Variants in CNTNAP3B observed in about 807,000 individuals in gnomAD.
CNTNAP3B encodes contactin-associated protein-like 3B.
In CNTNAP3B, 25 loss-of-function variants were observed where a neutral mutation model predicts 108.9. That is an observed-to-expected ratio of 0.23 (90% CI 0.17 to 0.32). The LOEUF (loss-of-function observed/expected upper bound fraction) is 0.32. Among genes scored for constraint, CNTNAP3B ranks in the 10% least tolerant of loss-of-function variants. The probability of loss-of-function intolerance (pLI) is 1.00; values close to 1 mark genes in which losing one functional copy is unlikely to be tolerated. For missense variants in CNTNAP3B, 252 were observed against 1,210.4 expected (o/e 0.21, Z 11.75); for synonymous variants, 103 against 473.4 (o/e 0.22, Z 10.16).
chr9:41,965,111 T>A (rs1385495109), intron 10 of CNTNAP3B, among the ~76,000 whole-genome samples: 1 of 152,292 alleles, frequency 6.6e-6, no homozygotes, highest in Non-Finnish European at 1.5e-5. Context: ...ATTTAGGTCA[T>A]CTTGTCGCCT....
chr9:42,014,732 A>C (rs1826190602), intron 3 of CNTNAP3B, among the ~76,000 whole-genome samples: 1 of 52,840 alleles, frequency 1.9e-5, no homozygotes, highest in Non-Finnish European at 3.4e-5. Context: ...TGGAGCTTGC[A>C]GTGAGCCGAG....
chr9:42,095,201 AC>A (rs1370091768), intron 2 of CNTNAP3B, among the ~76,000 whole-genome samples: 2 of 138,124 alleles, frequency 1.4e-5, no homozygotes, highest in Admixed American at 1.4e-4. Flanking sequence ...GCGTCTGGTA[AC>A]CACCATTCTA....
chr9:41,931,182 T>A (rs1487661551), intron 14 of CNTNAP3B, among the ~76,000 whole-genome samples: 1 of 152,252 alleles, frequency 6.6e-6, no homozygotes, highest in East Asian at 1.9e-4. Flanking sequence ...CTTTCTGAAT[T>A]AAAAAAAATT....
At chr9:41,931,432 T>C (rs1297214724) in intron 14 of CNTNAP3B, among the ~76,000 whole-genome samples, 1 of 152,400 alleles carries the variant, frequency 6.6e-6, no homozygotes, top group East Asian at 1.9e-4. Context: ...AACTCGACTT[T>C]TGTACCCATT....
intron 14 of CNTNAP3B, among the ~76,000 whole-genome samples, chr9:41,930,811 G>C (rs1588046495): frequency 6.6e-6 from 1 of 152,132 alleles, no homozygotes; most frequent in South Asian, 2.1e-4. Flanking sequence ...TTTTGTCTCT[G>C]GCCAAAATAA....
chr9:41,932,904 A>G (rs1309301065), intron 14 of CNTNAP3B, among the ~76,000 whole-genome samples: 4 of 152,298 alleles, frequency 2.6e-5, no homozygotes, highest in African/African-American at 9.6e-5. Context: ...AAATTTCTAG[A>G]TTCTCAGTTT....
chr9:42,030,817 A>AGG (rs1826511023), intron 3 of CNTNAP3B, among the ~76,000 whole-genome samples: 1 of 105,862 alleles, frequency 9.4e-6, no homozygotes, highest in African/African-American at 4.0e-5. Flanking sequence ...GAGAGAGGAG[A>AGG]GAGAGAGAGA....
At chr9:41,956,183 G>C (rs1172188419) in intron 12 of CNTNAP3B, among the ~76,000 whole-genome samples, 2 of 152,122 alleles carry the variant, frequency 1.3e-5, no homozygotes, top group Non-Finnish European at 2.9e-5. Context: ...TCAGGAGATC[G>C]AGACCATCCT....
intron 9 of CNTNAP3B, chr9:41,979,722 G>A (rs190566236): frequency 1.6e-5 from 1 of 62,544 alleles, no homozygotes; most frequent in Non-Finnish European, 3.3e-5. Flanking sequence ...TGGGATTACA[G>A]GCACCTGCCA....
At chr9:41,993,468 C>G (rs1825843344) in intron 7 of CNTNAP3B, 1 of 109,976 alleles carries the variant, frequency 9.1e-6, no homozygotes, top group South Asian at 2.7e-4. Context: ...AAACACTTTT[C>G]ATGACAAGAA....
intron 13 of CNTNAP3B, among the ~76,000 whole-genome samples, chr9:41,949,718 T>A (rs1824621858): frequency 6.6e-6 from 1 of 152,076 alleles, no homozygotes; most frequent in South Asian, 2.1e-4. Flanking sequence ...TTATATAAAA[T>A]GTGTCCCAAA....
intron 2 of CNTNAP3B, among the ~76,000 whole-genome samples, chr9:42,097,465 G>C (rs1397082672): frequency 7.2e-6 from 1 of 139,858 alleles, no homozygotes; most frequent in Non-Finnish European, 1.5e-5. Context: ...ATTTGTATTT[G>C]TTACTATCTT....
intron 3 of CNTNAP3B, among the ~76,000 whole-genome samples, chr9:42,030,808 A>C (rs1826507958): frequency 2.3e-5 from 2 of 85,296 alleles, no homozygotes; most frequent in African/African-American, 1.0e-4. Flanking sequence ...AGAGAGAGAG[A>C]GAGAGGAGAG....
chr9:42,095,081 T>A (rs906771947), intron 2 of CNTNAP3B, among the ~76,000 whole-genome samples: 2 of 135,810 alleles, frequency 1.5e-5, no homozygotes, highest in Non-Finnish European at 3.1e-5. Context: ...ACTTATTAAC[T>A]CTATTCACTA....
chr9:41,963,092 TC>T (rs1825155969), intron 11 of CNTNAP3B, among the ~76,000 whole-genome samples: 1 of 152,286 alleles, frequency 6.6e-6, no homozygotes. Flanking sequence ...TTTGCCCAGA[TC>T]CTTTACAGAA....
At chr9:41,934,122 T>TATATATATATATATATATACATACAC (rs1214326050) in intron 14 of CNTNAP3B, among the ~76,000 whole-genome samples, 1 of 73,474 alleles carries the variant, frequency 1.4e-5, no homozygotes, top group African/African-American at 5.9e-5. Flanking sequence ...TATATATATA[T>TATATATATATATATATATACATACAC]ACACACACAT....
At chr9:41,932,497 C>CTTTTT (rs1824007024) in intron 14 of CNTNAP3B, among the ~76,000 whole-genome samples, 1 of 149,090 alleles carries the variant, frequency 6.7e-6, no homozygotes, top group Admixed American at 6.7e-5. Flanking sequence ...AATGTTGAGT[C>CTTTTT]AACTTTTTAA....
chr9:42,063,203 G>T, intron 3 of CNTNAP3B, among the ~76,000 whole-genome samples: 1 of 129,636 alleles, frequency 7.7e-6, no homozygotes, highest in East Asian at 2.5e-4. Flanking sequence ...ACTTCCTTTA[G>T]CATTTCTTGT....
At chr9:42,044,617 C>T (rs1344966542) in intron 3 of CNTNAP3B, among the ~76,000 whole-genome samples, 2 of 142,830 alleles carry the variant, frequency 1.4e-5, no homozygotes, top group Admixed American at 7.0e-5. Flanking sequence ...CTCCTGAGGA[C>T]AACCGACTCA....
Sources: gnomAD v4.1 joint callset for allele counts (sites outside exome capture counted in the v4.1 genomes callset) on GRCh38, gnomAD v4.1.1 for gene constraint, MANE v1.5 for transcripts, NCBI Gene and HGNC (gene_info 2026-07-23, HGNC 2026-07-21) for gene names.